TRMT44: variants seen among roughly 807,000 people sequenced by gnomAD.
TRMT44 encodes probable tRNA (uracil-O(2)-)-methyltransferase.
Under a neutral mutation model 77.3 loss-of-function variants are expected in TRMT44, and 78 were observed. The observed-to-expected ratio is 1.01, with a 90% CI of 0.84 to 1.22. TRMT44 has a LOEUF of 1.22. Ranked by LOEUF, TRMT44 falls within the 50% of genes most tolerant of loss-of-function variation. TRMT44 has a pLI of 0.00. For synonymous variants in TRMT44, 391 were observed against 383.3 expected, an observed-to-expected ratio of 1.02 and a Z score of -0.23; for missense variants, 1,090 against 964.4, an observed-to-expected ratio of 1.13 and a Z score of -1.73.
chr4:8,514,357 G>C, the TRMT44 span, among the ~76,000 whole-genome samples: 1 of 149,868 alleles, frequency 6.7e-6, no homozygotes, highest in African/African-American at 2.5e-5. Context: ...CCATATTCGA[G>C]CCCAGTGGTG....
At chr4:8,464,808 G>A (rs1387166734) in intron 7 of TRMT44, among the ~76,000 whole-genome samples, 1 of 152,126 alleles carries the variant, frequency 6.6e-6, no homozygotes, top group Non-Finnish European at 1.5e-5. Flanking sequence ...GATATACTAT[G>A]TTGCTTTATT....
intron 2 of TRMT44, among the ~76,000 whole-genome samples, chr4:8,448,583 G>A (rs1419442019): frequency 2.6e-5 from 4 of 152,236 alleles, no homozygotes; most frequent in East Asian, 3.9e-4. Context: ...TCTGCAGCGC[G>A]CAGGGGCCAC....
the TRMT44 span, among the ~76,000 whole-genome samples, chr4:8,505,837 G>C: frequency 1.3e-5 from 2 of 152,178 alleles, no homozygotes; most frequent in African/African-American, 2.4e-5. Flanking sequence ...TAGTGAGGGA[G>C]TTCTCATGAG....
intron 2 of TRMT44, among the ~76,000 whole-genome samples, chr4:8,484,528 GT>G (rs1209486036): frequency 6.6e-6 from 1 of 152,190 alleles, no homozygotes; most frequent in Non-Finnish European, 1.5e-5. Context: ...AAACAGTAAG[GT>G]CAAGTAGTTT....
chr4:8,454,503 A>G (rs1340453539), intron 5 of TRMT44: 2 of 582,458 alleles, frequency 3.4e-6, no homozygotes, highest in South Asian at 2.0e-5. Flanking sequence ...TGGTACCACC[A>G]GACTGGGCTG....
At chr4:8,457,778 A>G (rs559737590) in intron 6 of TRMT44, among the ~76,000 whole-genome samples, 1 of 152,352 alleles carries the variant, frequency 6.6e-6, no homozygotes, top group East Asian at 1.9e-4. Flanking sequence ...CAAGGAAATC[A>G]TGAAAGAGTT....
chr4:8,469,772 C>T lies in TRMT44; in HGVS notation c.1928-1312C>T, dbSNP rs373403125. On this transcript the variant is annotated intron_variant, in intron 9 of 10. Transcript: ENST00000389737. ...TCCACGTGGCCTTGGCCTCTCAGCC[C>T]ACTGCCTCCCTCCCGCCCACAGGCG... is the stretch of plus-strand genomic sequence containing the variant. Among the ~76,000 whole-genome samples, 8 of 152,352 alleles carry T rather than the reference C, an allele frequency of 5.3e-5. No homozygotes were observed. The East Asian group carries it at 1.5e-3, about 30-fold the overall frequency.
the TRMT44 span, among the ~76,000 whole-genome samples, chr4:8,504,638 G>A: frequency 6.6e-6 from 1 of 152,138 alleles, no homozygotes; most frequent in South Asian, 2.1e-4. This position sits in a 1 kb window ranked among gnomAD's most constrained non-coding sequence, Gnocchi z 5.3. Context: ...TTCCACCCGG[G>A]AGGAAGTTCC....
chr4:8,442,610 G>A (rs769881252), intron 1 of TRMT44, among the ~76,000 whole-genome samples: 1 of 152,224 alleles, frequency 6.6e-6, no homozygotes, highest in Non-Finnish European at 1.5e-5. Context: ...CAGCCTGCCG[G>A]CTGGGCTCTT....
downstream of TRMT44, among the ~76,000 whole-genome samples, chr4:8,498,146 C>G (rs549366045): frequency 1.6e-4 from 24 of 152,190 alleles, no homozygotes; most frequent in South Asian, 5.0e-3. This position sits in a 1 kb window ranked among gnomAD's most constrained non-coding sequence, Gnocchi z 4.3. Flanking sequence ...GGGGTTTTCT[C>G]CTCAATTTTC....
At chr4:8,495,956 G>T (rs757119129), downstream of TRMT44, among the ~76,000 whole-genome samples, 3 of 152,160 alleles carry the variant, frequency 2.0e-5, no homozygotes, top group Non-Finnish European at 4.4e-5. Context: ...CATTCTGATT[G>T]TTTCCCTCCT....
downstream of TRMT44, among the ~76,000 whole-genome samples, chr4:8,480,431 T>TC (rs138522488): frequency 1.4e-3 from 213 of 152,298 alleles, 7 homozygotes; most frequent in East Asian, 0.036. Flanking sequence ...CTCCTTGCAC[T>TC]CCGGACGTGA....
intron 6 of TRMT44, among the ~76,000 whole-genome samples, chr4:8,456,427 A>T (rs1041600652): frequency 6.6e-6 from 1 of 152,184 alleles, no homozygotes. Context: ...AGCAGAGAAA[A>T]GTTACGGCAT....
intron 9 of TRMT44, among the ~76,000 whole-genome samples, chr4:8,469,839 G>C (rs1347052055): frequency 2.0e-5 from 3 of 152,266 alleles, no homozygotes; most frequent in Non-Finnish European, 4.4e-5. Context: ...CCTGTCCTCA[G>C]GCAGGCACCT....
intron 2 of TRMT44, among the ~76,000 whole-genome samples, chr4:8,492,344 T>A (rs561572612): frequency 6.6e-6 from 1 of 152,164 alleles, no homozygotes; most frequent in Non-Finnish European, 1.5e-5. Flanking sequence ...AAAAACATAC[T>A]TTTTGCTCTG....
intron 2 of TRMT44, among the ~76,000 whole-genome samples, chr4:8,483,046 T>G (rs577037218): frequency 5.3e-4 from 81 of 152,212 alleles, no homozygotes; most frequent in African/African-American, 2.0e-3. Flanking sequence ...ATTGTGGGGT[T>G]GTTAGAAGAA....
At chr4:8,514,368 C>T in the TRMT44 span, among the ~76,000 whole-genome samples, 10 of 150,338 alleles carry the variant, frequency 6.7e-5, no homozygotes, top group East Asian at 7.9e-4. Flanking sequence ...CCCAGTGGTG[C>T]GATCTTGGCT....
intron 2 of TRMT44, among the ~76,000 whole-genome samples, chr4:8,486,807 A>T (rs1355467419): frequency 1.3e-5 from 2 of 152,116 alleles, no homozygotes; most frequent in East Asian, 3.9e-4. Context: ...TGTAAACCGG[A>T]CGGGGTGTGA....
intron 10 of TRMT44, among the ~76,000 whole-genome samples, chr4:8,471,451 A>G (rs1423432159): frequency 3.3e-5 from 5 of 152,050 alleles, no homozygotes; most frequent in Non-Finnish European, 7.4e-5. Context: ...CTCTCCCCCT[A>G]TGCTGTGCTT....
Sources: gnomAD v4.1 joint callset for allele counts (sites outside exome capture counted in the v4.1 genomes callset) on GRCh38, gnomAD v4.1.1 for gene constraint, Gnocchi (gnomAD v3.1) non-coding constraint, MANE v1.5 for transcripts, NCBI Gene and HGNC (gene_info 2026-07-23, HGNC 2026-07-21) for gene names.